The following MINDY4 variants were observed in gnomAD, a reference collection of about 807,000 sequenced individuals.
The protein encoded by MINDY4 is probable ubiquitin carboxyl-terminal hydrolase MINDY-4.
Under a neutral mutation model 87.0 loss-of-function variants are expected in MINDY4, and 68 were observed. The observed-to-expected ratio is 0.78, with a 90% CI of 0.64 to 0.96. The LOEUF (loss-of-function observed/expected upper bound fraction) is 0.96. Ranked by LOEUF, MINDY4 falls within the 40% of genes least tolerant of loss-of-function variation. MINDY4 has a pLI of 0.00. For synonymous variants in MINDY4, 379 were observed against 363.2 expected (o/e 1.04, Z -0.50); for missense variants, 919 against 928.2 (o/e 0.99, Z 0.13).
chr7:30,794,841 C>G (rs1787434431), intron 5 of MINDY4, among the ~76,000 whole-genome samples: 1 of 152,242 alleles, frequency 6.6e-6, no homozygotes, highest in South Asian at 2.1e-4. Context: ...GTCCTCTAAC[C>G]CTCGTCTCTC....
At chr7:30,790,657 C>T (rs996861747) in intron 4 of MINDY4, among the ~76,000 whole-genome samples, 10 of 152,238 alleles carry the variant, frequency 6.6e-5, no homozygotes, top group African/African-American at 2.4e-4. Flanking sequence ...ATTGGCAAGG[C>T]TGGTCTCGAA....
intron 17 of MINDY4, among the ~76,000 whole-genome samples, chr7:30,885,737 G>C (rs1295019735): frequency 2.7e-5 from 4 of 148,892 alleles, no homozygotes. Context: ...CCTTGTGAGA[G>C]TTGGGTATCA....
rs564000826 is a variant in MINDY4 at position 30,785,699 on chromosome 7, C to A, written c.420-50C>A. The A allele has an allele frequency of 1.1e-5, 17 of 1,603,268 alleles. No homozygotes were observed. In the South Asian group the frequency reaches 1.9e-4, roughly 18 times the overall value. On this transcript the variant is annotated intron_variant, in intron 3 of 17. Coordinates refer to ENST00000265299, the MANE Select transcript of MINDY4 (RefSeq NM_032222.3). ...AATGTGGAATTTGCTATCTTTGTTA[C>A]TGATTCCTTTTGGGGAGTCTGTTTT...
intron 15 of MINDY4, among the ~76,000 whole-genome samples, chr7:30,876,605 G>A (rs530924221): frequency 6.6e-6 from 1 of 152,196 alleles, no homozygotes; most frequent in East Asian, 1.9e-4. Flanking sequence ...GTGCTGAGGG[G>A]GCTGGGCAGA....
intron 5 of MINDY4, among the ~76,000 whole-genome samples, chr7:30,814,726 C>G (rs1788098082): frequency 6.6e-6 from 1 of 152,114 alleles, no homozygotes; most frequent in African/African-American, 2.4e-5. Flanking sequence ...TGAATATTTG[C>G]CCAGGGTCAC....
intron 5 of MINDY4, among the ~76,000 whole-genome samples, chr7:30,800,764 G>T (rs916607648): frequency 6.6e-6 from 1 of 152,180 alleles, no homozygotes; most frequent in African/African-American, 2.4e-5. Flanking sequence ...GTTCTGCTGT[G>T]GGTCTCTGCA....
At chr7:30,844,325 G>A (rs886650939) in intron 9 of MINDY4, among the ~76,000 whole-genome samples, 3 of 152,178 alleles carry the variant, frequency 2.0e-5, no homozygotes, top group Non-Finnish European at 4.4e-5. Context: ...GTCACAGGGA[G>A]ACAAGCTGGG....
intron 6 of MINDY4, among the ~76,000 whole-genome samples, chr7:30,835,622 A>G (rs1788834511): frequency 6.6e-6 from 1 of 152,152 alleles, no homozygotes; most frequent in Non-Finnish European, 1.5e-5. Flanking sequence ...GGGAGAAAGG[A>G]GGCTGTAGCA....
chr7:30,839,407 G>A lies in MINDY4; in HGVS notation c.1356+91G>A, dbSNP rs1225918598. 1.5e-5 allele frequency: 11 copies of A among 734,682 alleles called. No homozygotes were observed. The South Asian group carries it at 2.2e-4, about 15-fold the overall frequency. The allele number at this position is 734,682 out of a possible 1,614,324, so 45.5% of individuals were successfully genotyped here. A position where few individuals can be genotyped will look rare whatever the true frequency, so the allele number is the denominator to read the frequency against. ...CTCCCAGTTTTGGTTAATCCTGTGA[G>A]CATTAGCTGAGCTATTCTGGACCAG... is the stretch of plus-strand genomic sequence containing the variant. On this transcript the variant is annotated intron_variant, in intron 8 of 17. Transcript: ENST00000265299.
At chr7:30,783,860 G>GA (rs1787075070) in intron 3 of MINDY4, among the ~76,000 whole-genome samples, 1 of 152,172 alleles carries the variant, frequency 6.6e-6, no homozygotes, top group Admixed American at 6.5e-5. Flanking sequence ...GCAGAGATGG[G>GA]AAAAATCTGG....
intron 1 of MINDY4, among the ~76,000 whole-genome samples, chr7:30,777,331 T>C (rs1453663349): frequency 6.6e-6 from 1 of 152,228 alleles, no homozygotes; most frequent in Non-Finnish European, 1.5e-5. Context: ...CACATCACTT[T>C]GACTGGAGGG....
chr7:30,860,834 T>A (rs941906070), intron 13 of MINDY4, among the ~76,000 whole-genome samples: 2 of 152,054 alleles, frequency 1.3e-5, no homozygotes, highest in Admixed American at 1.3e-4. Context: ...CCCTACCCTT[T>A]CCAATCAAGC....
At chr7:30,826,071 T>C (rs920844659) in intron 5 of MINDY4, among the ~76,000 whole-genome samples, 3 of 152,228 alleles carry the variant, frequency 2.0e-5, no homozygotes, top group African/African-American at 7.2e-5. Context: ...CATCGCCTTC[T>C]CTTCTCCCTT....
At chr7:30,808,460 G>A (rs190769382) in intron 5 of MINDY4, among the ~76,000 whole-genome samples, 1 of 152,270 alleles carries the variant, frequency 6.6e-6, no homozygotes, top group African/African-American at 2.4e-5. Flanking sequence ...GTGTGTGTGT[G>A]TGGGTGCCCT....
In MINDY4 at chr7:30,840,837, C is replaced by T. The variant is rs773743964; in HGVS notation, c.1434C>T (p.Ala478=). Residue 478 remains alanine, a synonymous_variant, in exon 9 of 18, where the codon GCC becomes GCT. Coordinates refer to ENST00000265299, the MANE Select transcript of MINDY4 (RefSeq NM_032222.3). ...TCCTGTTTGAAGGAGATAGCAAAGC[C>T]GACTGTGCTCAGTAAGTCAGTGCTC... The part of the protein sequence containing the change: ...QKLLFEGDSK[A]DCAQGLQPSD... 23 of 1,613,934 alleles carry T rather than the reference C, an allele frequency of 1.4e-5. No homozygotes were observed. The highest frequency in any genetic ancestry group is 1.3e-5 in the African/African-American group (1 of 75,028).
At chr7:30,840,730 C>T in intron 8 of MINDY4, 30 bp from the exon 9 acceptor site, 5 of 1,604,190 alleles carry the variant, frequency 3.1e-6, no homozygotes, top group South Asian at 2.2e-5. Flanking sequence ...GGCCAGTTCT[C>T]ACTGGCAGCA....
At position 30,872,281 on chromosome 7, in the gene MINDY4, T is replaced by C. The variant is rs766199706; in HGVS notation, c.1784T>C (p.Ile595Thr). The C allele has an allele frequency of 1.4e-5, 23 of 1,614,016 alleles. No homozygotes were observed. The highest frequency in any genetic ancestry group is 8.3e-5 in the Admixed American group (5 of 60,004). The stretch of plus-strand genomic sequence containing the variant: ...TTTGATGTCCCCACCAGCCACCTGA[T>C]TGGAGCACATGGCTACTGTACACAG... The part of the protein sequence containing the change: ...QDFDVPTSHL[I>T]GAHGYCTQEL... The change falls in exon 14 of 18, where the codon ATT becomes ACT. Residue 595 changes from isoleucine to threonine, a missense_variant. By Grantham distance (89) the Ile-to-Thr change is moderately conservative. Transcript: ENST00000265299.
At chr7:30,828,871 TAG>T in intron 6 of MINDY4, 134 bp downstream of exon 6, 1 of 732,144 alleles carries the variant, frequency 1.4e-6, no homozygotes, top group Non-Finnish European at 2.4e-6. Flanking sequence ...GTCAAGTGAG[TAG>T]AGTAGACTAC....
chr7:30,826,195 C>G (rs972267845), intron 5 of MINDY4, among the ~76,000 whole-genome samples: 1 of 152,128 alleles, frequency 6.6e-6, no homozygotes, highest in Non-Finnish European at 1.5e-5. Context: ...TCTCTTTTGC[C>G]GTGTAAAGTA....
Sources: allele counts gnomAD v4.1 joint callset (sites outside exome capture counted in the v4.1 genomes callset), GRCh38; gene constraint gnomAD v4.1.1; transcripts MANE v1.5; gene names NCBI Gene and HGNC (gene_info 2026-07-23, HGNC 2026-07-21).